The following TRDN variants were observed in gnomAD, a reference collection of about 807,000 sequenced individuals.
TRDN encodes the protein triadin in skeletal muscle.
TRDN carries 161 observed loss-of-function variants against 149.7 expected under a neutral mutation model. The ratio of observed to expected loss-of-function variants is 1.08; its 90% confidence interval spans 0.95 to 1.23. The LOEUF (loss-of-function observed/expected upper bound fraction) is 1.23, where lower values mean the gene tolerates loss of function less well. Among genes scored for constraint, TRDN ranks in the 50% most tolerant of loss-of-function variants. The pLI is 0.00. For synonymous variants in TRDN, 294 were observed against 250.5 expected (o/e 1.17, Z -1.64); for missense variants, 896 against 823.5 (o/e 1.09, Z -1.08).
chr6:123,316,606 T>C, intron 23 of TRDN, 111 bp from the exon 24 acceptor site: 1 of 832,580 alleles, frequency 1.2e-6, no homozygotes, highest in South Asian at 1.8e-5. Context: ...ATTTTTCTTG[T>C]CTGTTTTCAA....
chr6:123,553,616 G>A (rs1193235968), intron 2 of TRDN, among the ~76,000 whole-genome samples: 4 of 152,124 alleles, frequency 2.6e-5, no homozygotes, highest in African/African-American at 4.8e-5. Flanking sequence ...AGAAAAAGAG[G>A]TATAATGGAT....
chr6:123,334,742 T>C (rs769608999), intron 22 of TRDN, among the ~76,000 whole-genome samples: 10 of 151,992 alleles, frequency 6.6e-5, no homozygotes, highest in African/African-American at 1.7e-4. Flanking sequence ...TAGAACTCTA[T>C]ATGTCCTTAC....
In TRDN at chr6:123,351,985, C is replaced by T. The variant is rs981834727; in HGVS notation, c.1369+554G>A. The T allele has an allele frequency of 9.2e-6, 9 of 975,354 alleles. No individual in the cohort carries two copies. The African/African-American group carries it at 1.2e-4, about 13-fold the overall frequency. 60.4% of individuals were successfully genotyped at this position (975,354 alleles called of 1,614,324 possible). A position where few individuals can be genotyped will look rare whatever the true frequency, so the allele number is the denominator to read the frequency against. On this transcript the variant is annotated intron_variant, in intron 21 of 40. Transcript: ENST00000334268. ...TAACTACATAAATACAAATAAAATGCATTAACTATTTTATACCATTATGAT... is the reference window on the plus strand; with the variant it reads ...TAACTACATAAATACAAATAAAATGTATTAACTATTTTATACCATTATGAT...
intron 38 of TRDN, 148 bp downstream of exon 38, chr6:123,252,264 C>A (rs1394420591): frequency 1.8e-5 from 7 of 399,444 alleles, no homozygotes; most frequent in African/African-American, 1.3e-4. Context: ...ACGTAAGTAA[C>A]AATAAAAGCT....
intron 21 of TRDN, chr6:123,352,139 A>G (rs1780483146): frequency 7.1e-6 from 7 of 984,438 alleles, no homozygotes; most frequent in Non-Finnish European, 8.4e-6. Flanking sequence ...TTCAAGCAAC[A>G]GAAATAGTTT....
At chr6:123,425,640 G>T (rs1313095642) in intron 12 of TRDN, among the ~76,000 whole-genome samples, 1 of 152,094 alleles carries the variant, frequency 6.6e-6, no homozygotes, top group African/African-American at 2.4e-5. Flanking sequence ...AGTGAAGAAA[G>T]AGATAGGCTG....
chr6:123,377,674 G>A, intron 18 of TRDN, 42 bp downstream of exon 18: 1 of 1,611,032 alleles, frequency 6.2e-7, no homozygotes, highest in South Asian at 1.1e-5. Flanking sequence ...AATAAACACT[G>A]GACATGAGTA....
chr6:123,503,793 A>G lies in TRDN; in HGVS notation c.719T>C (p.Val240Ala). The G allele has an allele frequency of 6.2e-7, 1 of 1,612,974 alleles. No homozygotes were observed. The highest frequency in any genetic ancestry group is 8.5e-7 in the Non-Finnish European group (1 of 1,179,536). The change falls in exon 8 of 41, where the codon GTA becomes GCA. Residue 240 changes from valine (V) to alanine (A), a missense_variant. Physicochemically the swap from Val to Ala is moderately conservative, Grantham distance 64. Coordinates refer to ENST00000334268, the MANE Select transcript of TRDN (RefSeq NM_006073.4). ...TTTGGGTTTTGATGGTGTTTTCTGT[A>G]CTTCTTTTACTTTTGCAGCTGTTTG... ...VKQTAAKVKE[V>A]QKTPSKPKEK...
At chr6:123,292,255 T>C (rs79110317) in intron 24 of TRDN, among the ~76,000 whole-genome samples, 1,597 of 152,284 alleles carry the variant, frequency 0.01, 25 homozygotes, top group African/African-American at 0.036. Context: ...GGGACCCCCA[T>C]GGCTGGGGCA....
rs1280769242 is a variant in TRDN at position 123,315,393 on chromosome 6, T to C, written c.1510+1064A>G. On this transcript the variant is annotated intron_variant, in intron 24 of 40. Coordinates refer to ENST00000334268, the MANE Select transcript of TRDN (RefSeq NM_006073.4). The stretch of plus-strand genomic sequence containing the variant: ...ATGCATGTTTTAAAATTATATAAAA[T>C]TACTTTAAATGGGCATGCTTATTCA... Among the ~76,000 whole-genome samples the C allele has an allele frequency of 3.3e-5, 5 of 152,016 alleles. No homozygotes were observed. The South Asian group carries it at 6.2e-4, about 19-fold the overall frequency.
Position 123,218,282 on chromosome 6 carries a change from A to G in TRDN, c.*319T>C, listed in dbSNP as rs1775018198. On this transcript the variant is annotated 3_prime_UTR_variant, in exon 41 of 41. Coordinates refer to ENST00000334268, the MANE Select transcript of TRDN (RefSeq NM_006073.4). ...AGGAATTCATTTTGCAATTGTGTCA[A>G]TTATTTTAAAGATACCATTATTAAG... 1 of 178,282 alleles carries G rather than the reference A, an allele frequency of 5.6e-6. No homozygotes were observed. The highest frequency in any genetic ancestry group is 1.2e-5 in the Non-Finnish European group (1 of 85,678). The allele number at this position is 178,282 out of a possible 1,614,324, so 11.0% of individuals were successfully genotyped here.
intron 37 of TRDN, among the ~76,000 whole-genome samples, chr6:123,254,764 T>C (rs1776495538): frequency 6.6e-6 from 1 of 152,000 alleles, no homozygotes; most frequent in South Asian, 2.1e-4. Flanking sequence ...CCAGTAATAT[T>C]TATTTTTACT....
intron 26 of TRDN, among the ~76,000 whole-genome samples, chr6:123,276,209 T>C (rs1777361633): frequency 6.6e-6 from 1 of 152,100 alleles, no homozygotes; most frequent in Admixed American, 6.6e-5. Context: ...ATTCAAATCA[T>C]ATAGATATAT....
At chr6:123,232,123 C>G (rs1775624535) in intron 38 of TRDN, among the ~76,000 whole-genome samples, 1 of 151,274 alleles carries the variant, frequency 6.6e-6, no homozygotes, top group Non-Finnish European at 1.5e-5. Context: ...AGGAATAGCA[C>G]AGAAGAGTAG....
chr6:123,381,454 A>G, intron 15 of TRDN, 64 bp from the exon 16 acceptor site: 5 of 1,449,054 alleles, frequency 3.5e-6, no homozygotes, highest in Middle Eastern at 1.7e-4. Flanking sequence ...ACTACCCTAC[A>G]TATTGATTAG....
At chr6:123,465,990 G>A (rs1776781917) in intron 9 of TRDN, among the ~76,000 whole-genome samples, 1 of 152,146 alleles carries the variant, frequency 6.6e-6, no homozygotes, top group African/African-American at 2.4e-5. Context: ...CACATTTCGG[G>A]CCTAGGCCCT....
chr6:123,585,022 G>A (rs562233937), intron 1 of TRDN, among the ~76,000 whole-genome samples: 9 of 151,866 alleles, frequency 5.9e-5, no homozygotes, highest in Admixed American at 1.3e-4. Flanking sequence ...TTCAAAGCAT[G>A]CTGTGGGATG....
At chr6:123,305,027 A>G (rs994082103) in intron 24 of TRDN, among the ~76,000 whole-genome samples, 1 of 152,164 alleles carries the variant, frequency 6.6e-6, no homozygotes, top group Non-Finnish European at 1.5e-5. Flanking sequence ...TTATGGCAAT[A>G]TGGTTATTTA....
At chr6:123,404,594 G>A (rs984886388) in intron 12 of TRDN, among the ~76,000 whole-genome samples, 26 of 151,982 alleles carry the variant, frequency 1.7e-4, no homozygotes, top group African/African-American at 2.7e-4. Context: ...GATTACAGGC[G>A]TGCACCACCA....
Sources: gnomAD v4.1 joint callset for allele counts (sites outside exome capture counted in the v4.1 genomes callset) on GRCh38, gnomAD v4.1.1 for gene constraint, MANE v1.5 for transcripts, NCBI Gene and HGNC (gene_info 2026-07-23, HGNC 2026-07-21) for gene names.